KIF3A: variants seen among roughly 807,000 people sequenced by gnomAD.
The protein encoded by KIF3A is kinesin-like protein KIF3A.
A neutral mutation model predicts 92.6 loss-of-function variants in KIF3A; 27 were observed. That is an observed-to-expected ratio of 0.29 (90% CI 0.21 to 0.40). The LOEUF (loss-of-function observed/expected upper bound fraction) is 0.40. Among genes scored for constraint, KIF3A ranks in the 10% least tolerant of loss-of-function variants. The pLI is 1.00. For missense variants in KIF3A, 581 were observed against 872.6 expected, an observed-to-expected ratio of 0.67 and a Z score of 4.21; for synonymous variants, 250 against 275.4, an observed-to-expected ratio of 0.91 and a Z score of 0.92.
At chr5:132,709,761 G>A (rs1020190619) in intron 9 of KIF3A, among the ~76,000 whole-genome samples, 8 of 152,204 alleles carry the variant, frequency 5.3e-5, no homozygotes, top group African/African-American at 1.9e-4. Flanking sequence ...TCATGTGAAA[G>A]CAGCCATAGA....
chr5:132,690,606 CATAAT>C (rs778642234), downstream of KIF3A, among the ~76,000 whole-genome samples: 2 of 152,166 alleles, frequency 1.3e-5, no homozygotes, highest in South Asian at 4.1e-4. Context: ...CGATATATCT[CATAAT>C]ATAATTATGT....
chr5:132,709,095 C>T, intron 9 of KIF3A, 117 bp from the exon 10 acceptor site: 1 of 787,854 alleles, frequency 1.3e-6, no homozygotes, highest in South Asian at 1.7e-5. Flanking sequence ...GACAATCAAG[C>T]TTTGTATTAA....
chr5:132,709,430 T>G (rs1753339389), intron 9 of KIF3A, among the ~76,000 whole-genome samples: 2 of 152,224 alleles, frequency 1.3e-5, no homozygotes, highest in Admixed American at 1.3e-4. Flanking sequence ...CTATCTCCAC[T>G]TTCAGTCTCT....
At chr5:132,690,703 G>A (rs1297284410), downstream of KIF3A, among the ~76,000 whole-genome samples, 5 of 152,078 alleles carry the variant, frequency 3.3e-5, no homozygotes, top group African/African-American at 9.7e-5. Context: ...CGAGGCAGGC[G>A]GATCACAAGG....
intron 12 of KIF3A, 104 bp downstream of exon 12, chr5:132,703,359 C>G (rs1034658526): frequency 3.9e-6 from 4 of 1,020,272 alleles, no homozygotes; most frequent in Non-Finnish European, 2.8e-6. Flanking sequence ...ACACTGGAGA[C>G]AAAAATCCAA....
At chr5:132,710,472 CG>C (rs1302853039) in intron 9 of KIF3A, among the ~76,000 whole-genome samples, 1 of 152,198 alleles carries the variant, frequency 6.6e-6, no homozygotes, top group East Asian at 1.9e-4. Flanking sequence ...AAAAATTAGC[CG>C]GGCGAGGTGG....
intron 3 of KIF3A, 49 bp downstream of exon 3, chr5:132,726,305 C>G (rs2149916908): frequency 6.3e-7 from 1 of 1,593,744 alleles, no homozygotes; most frequent in East Asian, 2.2e-5. Flanking sequence ...ATGTGCCTTT[C>G]CAGTGTTTGT....
At chr5:132,731,373 C>T (rs1238733312) in intron 2 of KIF3A, among the ~76,000 whole-genome samples, 1 of 151,964 alleles carries the variant, frequency 6.6e-6, no homozygotes, top group Non-Finnish European at 1.5e-5. Flanking sequence ...ATGTAATTGA[C>T]CATATTAACA....
chr5:132,729,473 A>AAC (rs1354254785), intron 2 of KIF3A, among the ~76,000 whole-genome samples: 1 of 152,044 alleles, frequency 6.6e-6, no homozygotes, highest in African/African-American at 2.4e-5. Context: ...AACAAACAGA[A>AAC]AACAACAACA....
At chr5:132,728,918 C>T (rs1754131431) in intron 2 of KIF3A, among the ~76,000 whole-genome samples, 1 of 151,796 alleles carries the variant, frequency 6.6e-6, no homozygotes, top group Non-Finnish European at 1.5e-5. Flanking sequence ...CCCATCTCTA[C>T]AAAAAATTTT....
intron 2 of KIF3A, among the ~76,000 whole-genome samples, chr5:132,732,734 C>T (rs980559912): frequency 6.6e-6 from 1 of 152,244 alleles, no homozygotes; most frequent in East Asian, 1.9e-4. Context: ...ACGGTGAAAC[C>T]CCGTCTCTAC....
At chr5:132,722,110 T>C (rs1753844908) in intron 4 of KIF3A, among the ~76,000 whole-genome samples, 2 of 152,240 alleles carry the variant, frequency 1.3e-5, no homozygotes, top group Non-Finnish European at 2.9e-5. Flanking sequence ...TCTCAGTTTT[T>C]GTGTTCATTC....
chr5:132,736,719 A>G (rs1279312329), intron 1 of KIF3A: 1 of 437,090 alleles, frequency 2.3e-6, no homozygotes, highest in Non-Finnish European at 4.6e-6. Context: ...ATGGGAACTA[A>G]GGACCCAGAC....
chr5:132,736,325 A>G (rs998515692), intron 1 of KIF3A, among the ~76,000 whole-genome samples: 2 of 152,242 alleles, frequency 1.3e-5, no homozygotes, highest in African/African-American at 4.8e-5. Context: ...GGGAGGAAAA[A>G]AAATGACCTG....
Position 132,696,673 on chromosome 5 carries a change from A to G in KIF3A, c.2142T>C (p.Ser714=), listed in dbSNP as rs770835605. 37 of 1,610,306 alleles carry G rather than the reference A, an allele frequency of 2.3e-5. No homozygotes were observed. The highest frequency in any genetic ancestry group is 2.9e-5 in the Non-Finnish European group (34 of 1,176,750). The change falls in exon 19 of 19, where the codon TCT becomes TCC. Residue 714 remains serine, a synonymous_variant. Transcript: ENST00000403231. ...ARPKTGRRKR[S]AKPETVIDSL... ...AGTCAATTACAGTTTCAGGCTTTGC[A>G]GAACGCTTTCTGTTTGGAGAAGAAA...
chr5:132,691,042 T>A (rs898308286), downstream of KIF3A, among the ~76,000 whole-genome samples: 1 of 152,234 alleles, frequency 6.6e-6, no homozygotes, highest in Non-Finnish European at 1.5e-5. Flanking sequence ...TGGTAATCAA[T>A]GTTTGTCAAA....
At chr5:132,709,119 AC>A in intron 9 of KIF3A, 141 bp from the exon 10 acceptor site, 1 of 648,584 alleles carries the variant, frequency 1.5e-6, no homozygotes, top group Non-Finnish European at 2.7e-6. Flanking sequence ...ACCAAAATTT[AC>A]TTTCCTAAAA....
intron 11 of KIF3A, among the ~76,000 whole-genome samples, chr5:132,704,240 G>GT: frequency 6.6e-6 from 1 of 151,922 alleles, no homozygotes; most frequent in Non-Finnish European, 1.5e-5. Flanking sequence ...ATGTAATTAT[G>GT]TAACAGTTAC....
At chr5:132,731,239 T>TA (rs1260436330) in intron 2 of KIF3A, among the ~76,000 whole-genome samples, 1 of 152,208 alleles carries the variant, frequency 6.6e-6, no homozygotes, top group Non-Finnish European at 1.5e-5. Flanking sequence ...ACTATATACT[T>TA]ACATCCCTCA....
Sources: allele counts gnomAD v4.1 joint callset (sites outside exome capture counted in the v4.1 genomes callset), GRCh38; gene constraint gnomAD v4.1.1; transcripts MANE v1.5; gene names NCBI Gene and HGNC (gene_info 2026-07-23, HGNC 2026-07-21).